COL4A1: variants seen among roughly 807,000 people sequenced by gnomAD.
COL4A1 encodes collagen type IV alpha 1 chain, also known as collagen alpha-1(IV) chain.
Under a neutral mutation model 216.6 loss-of-function variants are expected in COL4A1, and 40 were observed. The observed-to-expected ratio is 0.18, with a 90% confidence interval of 0.14 to 0.24. COL4A1 has a LOEUF of 0.24. Ranked by LOEUF, COL4A1 falls within the 10% of genes least tolerant of loss-of-function variation. The pLI is 1.00. For synonymous variants in COL4A1, 839 were observed against 810.7 expected, an observed-to-expected ratio of 1.03 and a Z score of -0.59; for missense variants, 1,628 against 2,196.8, an observed-to-expected ratio of 0.74 and a Z score of 5.18.
At chr13:110,262,332 C>G (rs1361257485) in intron 1 of COL4A1, among the ~76,000 whole-genome samples, 2 of 152,198 alleles carry the variant, frequency 1.3e-5, no homozygotes, top group African/African-American at 4.8e-5. Context: ...CCACCATCAG[C>G]CTTCCCAGTA....
At chr13:110,255,119 G>A (rs954716019) in intron 1 of COL4A1, among the ~76,000 whole-genome samples, 19 of 152,322 alleles carry the variant, frequency 1.2e-4, no homozygotes, top group African/African-American at 4.3e-4. Context: ...CCCAGGTGTC[G>A]GCTTCAGCCC....
At chr13:110,275,538 T>C (rs567742400) in intron 1 of COL4A1, among the ~76,000 whole-genome samples, 2 of 152,202 alleles carry the variant, frequency 1.3e-5, no homozygotes, top group South Asian at 4.1e-4. Flanking sequence ...CCAGCAATCA[T>C]GCTCCTTGCT....
At chr13:110,153,538 C>T (rs148489223) in intron 50 of COL4A1, among the ~76,000 whole-genome samples, 58 of 152,316 alleles carry the variant, frequency 3.8e-4, no homozygotes, top group Middle Eastern at 6.8e-3. Flanking sequence ...CTCAGTATTT[C>T]TTATGATTAT....
At chr13:110,170,049 G>A (rs865847429) in intron 42 of COL4A1, among the ~76,000 whole-genome samples, 3 of 133,456 alleles carry the variant, frequency 2.2e-5, no homozygotes, top group African/African-American at 5.5e-5. Flanking sequence ...GGGAAGGAGG[G>A]AGGAAGGAGG....
intron 1 of COL4A1, among the ~76,000 whole-genome samples, chr13:110,258,980 C>T (rs2139274560): frequency 6.6e-6 from 1 of 152,352 alleles, no homozygotes; most frequent in Middle Eastern, 3.4e-3. Flanking sequence ...ATCTCATTCA[C>T]CGGCGATCCT....
chr13:110,153,810 A>G (rs574696543), intron 50 of COL4A1, among the ~76,000 whole-genome samples: 61 of 152,322 alleles, frequency 4.0e-4, no homozygotes, highest in Admixed American at 3.1e-3. Context: ...TTTCCTGCCA[A>G]CTTTTTCTAC....
At chr13:110,256,941 G>C (rs1193414388) in intron 1 of COL4A1, among the ~76,000 whole-genome samples, 3 of 152,048 alleles carry the variant, frequency 2.0e-5, no homozygotes, top group Non-Finnish European at 4.4e-5. Context: ...TCTTTTGTCA[G>C]ACACCAGACA....
chr13:110,168,316 G>A (rs999595642), intron 43 of COL4A1, among the ~76,000 whole-genome samples: 1 of 152,158 alleles, frequency 6.6e-6, no homozygotes, highest in African/African-American at 2.4e-5. Context: ...GGCCCAGCCG[G>A]GAATGGGGTA....
chr13:110,287,968 C>CT (rs918947208), intron 1 of COL4A1, among the ~76,000 whole-genome samples: 45 of 152,156 alleles, frequency 3.0e-4, no homozygotes, highest in African/African-American at 1.0e-3. Flanking sequence ...TTCAAGAAGC[C>CT]TGAGTGGTCT....
chr13:110,236,684 C>T (rs1168177461), intron 2 of COL4A1, among the ~76,000 whole-genome samples: 3 of 152,174 alleles, frequency 2.0e-5, no homozygotes, highest in Non-Finnish European at 4.4e-5. Context: ...CCTTGTGGAG[C>T]GGACTCTACA....
Position 110,206,853 on chromosome 13 carries a change from C to CT in COL4A1, c.807+11dup, listed in dbSNP as rs1281180658. ...TTGACCTAAAAATGATAGGCAGAAACTGAGTACTGACCTGAAATCCAGGTT... is the reference window on the plus strand; with the variant it reads ...TTGACCTAAAAATGATAGGCAGAAACTTGAGTACTGACCTGAAATCCAGGTT... On this transcript the variant is annotated intron_variant, in intron 14 of 51. Transcript: ENST00000375820. 1.2e-6 allele frequency: 2 copies of CT among 1,613,958 alleles called. No individual in the cohort carries two copies.
intron 26 of COL4A1, among the ~76,000 whole-genome samples, chr13:110,183,705 G>A (rs1434221299): frequency 3.9e-5 from 6 of 152,192 alleles, no homozygotes; most frequent in Non-Finnish European, 7.3e-5. Flanking sequence ...CGGTCGTTTG[G>A]TGGGAAATTA....
chr13:110,163,984 CTTT>C (rs58236306), intron 46 of COL4A1, among the ~76,000 whole-genome samples: 30 of 110,254 alleles, frequency 2.7e-4, no homozygotes, highest in African/African-American at 9.4e-4. Flanking sequence ...TTCTCTCTCT[CTTT>C]TTTTTTTTTT....
intron 2 of COL4A1, among the ~76,000 whole-genome samples, chr13:110,237,102 C>T (rs955793861): frequency 1.3e-5 from 2 of 152,176 alleles, no homozygotes; most frequent in East Asian, 1.9e-4. Flanking sequence ...CGTCCCGACC[C>T]GTTAGAGAAA....
intron 1 of COL4A1, among the ~76,000 whole-genome samples, chr13:110,250,164 G>A (rs73615416): frequency 0.015 from 2,173 of 148,672 alleles, 55 homozygotes; most frequent in African/African-American, 0.051. Context: ...CAATATTTCT[G>A]CCCTAATTTG....
At chr13:110,244,196 G>T (rs1194358272) in intron 1 of COL4A1, among the ~76,000 whole-genome samples, 2 of 152,168 alleles carry the variant, frequency 1.3e-5, no homozygotes, top group Non-Finnish European at 2.9e-5. Context: ...AGCCTCAGCT[G>T]CATTGCCATG....
In COL4A1 at chr13:110,256,038, T is replaced by C. The variant is rs1265530581; in HGVS notation, c.85-13304A>G. Among the ~76,000 whole-genome samples the C allele has an allele frequency of 2.0e-5, 3 of 152,146 alleles. No homozygotes were observed. The East Asian group carries it at 5.8e-4, about 29-fold the overall frequency. Reference sequence around the variant, plus strand: ...TCTACTGTCAATTAGACAAATTTTATGTGAAGATTTTTATTCTACAAATCA... The same window carrying C: ...TCTACTGTCAATTAGACAAATTTTACGTGAAGATTTTTATTCTACAAATCA... On this transcript the variant is annotated intron_variant, in intron 1 of 51. Coordinates refer to ENST00000375820, the MANE Select transcript of COL4A1 (RefSeq NM_001845.6).
At chr13:110,194,967 G>GA (rs1303145719) in intron 22 of COL4A1, 56 bp downstream of exon 22, 41 of 1,521,590 alleles carry the variant, frequency 2.7e-5, no homozygotes, top group South Asian at 5.7e-5. Context: ...AAGTATGTGG[G>GA]AAAAAATCAT....
At chr13:110,290,153 A>T (rs1170376087) in intron 1 of COL4A1, among the ~76,000 whole-genome samples, 1 of 152,178 alleles carries the variant, frequency 6.6e-6, no homozygotes, top group Non-Finnish European at 1.5e-5. Flanking sequence ...AGGTTTTGTC[A>T]TCTTTTCCTC....
Sources: allele counts gnomAD v4.1 joint callset (sites outside exome capture counted in the v4.1 genomes callset), GRCh38; gene constraint gnomAD v4.1.1; transcripts MANE v1.5; gene names NCBI Gene and HGNC (gene_info 2026-07-23, HGNC 2026-07-21).